The following BOD1L1 variants were observed in gnomAD, a reference collection of about 807,000 sequenced individuals.
BOD1L1 encodes biorientation of chromosomes in cell division 1 like 1.
BOD1L1 carries 86 observed loss-of-function variants against 240.7 expected under a neutral mutation model. The observed-to-expected ratio is 0.36, with a 90% CI of 0.30 to 0.43. BOD1L1 has a LOEUF of 0.43. BOD1L1 is among the 20% of genes least tolerant of loss of function. BOD1L1 has a pLI of 1.00. For synonymous variants in BOD1L1, 1,268 were observed against 1,272.3 expected (o/e 1.00, Z 0.07); for missense variants, 3,554 against 3,643.5 (o/e 0.98, Z 0.63).
chr4:13,589,182 C>G (rs16888864), intron 14 of BOD1L1, among the ~76,000 whole-genome samples: 25,690 of 152,130 alleles, frequency 0.17, 2,637 homozygotes, highest in Middle Eastern at 0.22. Context: ...CAAACAGTCA[C>G]CAAACAATAC....
At chr4:13,585,144 T>C (rs1438699988) in intron 17 of BOD1L1, among the ~76,000 whole-genome samples, 1 of 152,220 alleles carries the variant, frequency 6.6e-6, no homozygotes, top group Non-Finnish European at 1.5e-5. Flanking sequence ...GGGTGAGGGA[T>C]AGTTTAAGAG....
In BOD1L1 at chr4:13,600,177, C is replaced by T. The variant is rs1204065620; in HGVS notation, c.6723G>A (p.Glu2241=). 6 of 1,613,980 alleles carry T rather than the reference C, an allele frequency of 3.7e-6. No individual in the cohort carries two copies. The highest frequency in any genetic ancestry group is 5.1e-6 in the Non-Finnish European group (6 of 1,179,894). ...TTTCTTCCATGACTGTGCCAGCTCG[C>T]TCATTTTCACTTTCAACAACTACAC... The part of the protein sequence containing the change: ...VSGVVVESEN[E]RAGTVMEEKD... Residue 2241 remains glutamate (E), a synonymous_variant, in exon 10 of 26, where the codon GAG becomes GAA. Transcript: ENST00000040738.
chr4:13,570,540 C>T (rs1712131431), intron 25 of BOD1L1, among the ~76,000 whole-genome samples: 1 of 152,158 alleles, frequency 6.6e-6, no homozygotes, highest in South Asian at 2.1e-4. Flanking sequence ...CTAGGTTGGA[C>T]CAAGTGCAAA....
chr4:13,577,143 C>A (rs1712820360), intron 24 of BOD1L1, among the ~76,000 whole-genome samples, 152 bp from the exon 25 acceptor site: 1 of 152,206 alleles, frequency 6.6e-6, no homozygotes, highest in Admixed American at 6.5e-5. Context: ...TTGCAATTCA[C>A]AACTGTTTAA....
rs778206416 is a variant in BOD1L1, at chr4:13,600,984, T to C, written c.5916A>G (p.Pro1972=). Residue 1972 remains proline (P), a synonymous_variant, in exon 10 of 26, where the codon CCA becomes CCG. Transcript: ENST00000040738. ...TAGTCATAGGACCCTCACAACCTCC[T>C]GGAACTGGTGTCACTTCATCCTTTC... is the stretch of plus-strand genomic sequence containing the variant. The part of the protein sequence containing the change: ...VSGKDEVTPV[P]GGCEGPMTSA... 6.2e-7 allele frequency: 1 copy of C among 1,613,912 alleles called. No homozygotes were observed. Among genetic ancestry groups the C allele is most frequent in the Non-Finnish European group, 8.5e-7 (1 of 1,179,850 alleles).
In BOD1L1 at chr4:13,600,087, A is replaced by G. The variant is rs1490057495; in HGVS notation, c.6813T>C (p.Ala2271=). The G allele has an allele frequency of 6.2e-7, 1 of 1,613,566 alleles. No individual in the cohort carries two copies. Among genetic ancestry groups the G allele is most frequent in the Non-Finnish European group, 8.5e-7 (1 of 1,179,762 alleles). ...VEDCEGPVSS[A]VPQEEGDPSV... ...AGGGGTCGCCTTCCTCTTGAGGGAC[A>G]GCACTGGACACTGGGCCCTCACAGT... Residue 2271 remains alanine, a synonymous_variant, in exon 10 of 26, where the codon GCT becomes GCC. Transcript: ENST00000040738.
rs1317479520 is a variant in BOD1L1, at chr4:13,601,381, T to C, written c.5519A>G (p.Asn1840Ser). Residue 1840 changes from asparagine to serine, a missense_variant, in exon 10 of 26, where the codon AAT becomes AGT. This residue lies in a region of BOD1L1 where 3,393 missense variants were observed against 3,427.1 expected (regional missense o/e 0.99). Transcript: ENST00000040738. ...MDSTVAKEGT[N>S]VPLVAAGPCD... The stretch of plus-strand genomic sequence containing the variant: ...AGGACCAGCAGCAACTAATGGTACA[T>C]TAGTGCCTTCTTTGGCCACTGTGCT... The C allele has an allele frequency of 5.0e-6, 8 of 1,613,956 alleles. No individual in the cohort carries two copies. In the African/African-American group the frequency reaches 1.1e-4, roughly 22 times the overall value.
At chr4:13,612,069 C>T (rs1716211635) in intron 5 of BOD1L1, among the ~76,000 whole-genome samples, 1 of 152,066 alleles carries the variant, frequency 6.6e-6, no homozygotes. Context: ...GTGGAGTGTT[C>T]ACAGAATAGG....
Position 13,600,723 on chromosome 4 carries a change from A to G in BOD1L1, c.6177T>C (p.Asn2059=), listed in dbSNP as rs754277351. ...CTTGATTTTTACCCCCTGCTAAGCT[A>G]TTCTGGTTGGTAATATCACCACTGG... ...TTASGDITNQ[N]SLAGGKNQGK... The change falls in exon 10 of 26, where the codon AAT becomes AAC. Residue 2059 remains asparagine, a synonymous_variant. Coordinates refer to ENST00000040738, the MANE Select transcript of BOD1L1 (RefSeq NM_148894.3). 3.1e-6 allele frequency: 5 copies of G among 1,613,994 alleles called. No individual in the cohort carries two copies. Among genetic ancestry groups the G allele is most frequent in the Admixed American group, 1.7e-5 (1 of 60,010 alleles).
Position 13,583,104 on chromosome 4 carries a change from G to A in BOD1L1, c.8434-368C>T, listed in dbSNP as rs116801881. Among the ~76,000 whole-genome samples, 453 of 152,294 alleles carry A rather than the reference G, an allele frequency of 3.0e-3. 2 individuals carry two copies. The highest frequency in any genetic ancestry group is 0.027 in the Middle Eastern group (8 of 294). On this transcript the variant is annotated intron_variant, in intron 17 of 25. Transcript: ENST00000040738. ...ATATTTATCTTTGTGGAGTGATGGA[G>A]GGGAGAGATGTGGGGAAGCAATAAT...
At chr4:13,605,362 AT>A (rs1715607169) in intron 9 of BOD1L1, among the ~76,000 whole-genome samples, 1 of 152,194 alleles carries the variant, frequency 6.6e-6, no homozygotes, top group Non-Finnish European at 1.5e-5. Context: ...AATATGAACA[AT>A]TTTATGAGAT....
chr4:13,623,459 A>C (rs1717174592), intron 1 of BOD1L1: 1 of 152,380 alleles, frequency 6.6e-6, no homozygotes, highest in South Asian at 2.1e-4. Context: ...TAATCAGTGC[A>C]AAGGAGACAG....
chr4:13,597,172 A>G lies in BOD1L1; in HGVS notation c.7955-4T>C. 6.3e-7 allele frequency: 1 copy of G among 1,587,834 alleles called. No homozygotes were observed. The highest frequency in any genetic ancestry group is 8.6e-7 in the Non-Finnish European group (1 of 1,165,418). On this transcript the variant is annotated splice_polypyrimidine_tract_variant and splice_region_variant and intron_variant, in intron 10 of 25. Transcript: ENST00000040738. ...TTCAATGGAGACTCTTCATTGCCTAATAAAATTCAAGCCATTTAGTACAGT... is the reference window on the plus strand; with the variant it reads ...TTCAATGGAGACTCTTCATTGCCTAGTAAAATTCAAGCCATTTAGTACAGT...
At chr4:13,617,442 T>C (rs1369614196) in intron 2 of BOD1L1, among the ~76,000 whole-genome samples, 1 of 152,146 alleles carries the variant, frequency 6.6e-6, no homozygotes, top group Non-Finnish European at 1.5e-5. Context: ...TGGAGTCCAG[T>C]ACCAATGATC....
In BOD1L1 at chr4:13,570,044, C is replaced by T. The variant is rs1244063751; in HGVS notation, c.9123G>A (p.Val3041=). 2 of 1,606,300 alleles carry T rather than the reference C, an allele frequency of 1.2e-6. No individual in the cohort carries two copies. Among genetic ancestry groups the T allele is most frequent in the East Asian group, 2.3e-5 (1 of 44,072 alleles). ...TCGCTTTTTTCACAGGGGCTTCCTC[C>T]ACCCTTTGCTGGCCTCTTGTTCGGG... ...PGARTRGQQR[V]EEAPVKKAKR The change falls in exon 26 of 26, where the codon GTG becomes GTA. Residue 3041 remains valine, a synonymous_variant. Transcript: ENST00000040738.
intron 1 of BOD1L1, 40 bp downstream of exon 1, chr4:13,627,305 C>T: frequency 8.5e-7 from 1 of 1,177,530 alleles, no homozygotes; most frequent in South Asian, 3.9e-5. Flanking sequence ...TTGGGTCCTC[C>T]CCTTCCCTCG....
intron 25 of BOD1L1, among the ~76,000 whole-genome samples, chr4:13,575,023 G>A (rs1173359092): frequency 1.3e-5 from 2 of 151,610 alleles, no homozygotes; most frequent in African/African-American, 2.4e-5. Flanking sequence ...GAGTTCAAGC[G>A]ATTCTCCTGC....
chr4:13,602,457 C>T lies in BOD1L1; in HGVS notation c.4443G>A (p.Glu1481=), dbSNP rs1465798394. The part of the protein sequence containing the change: ...IDVERRNENS[E]VDTSAGSGSA... ...AGCCACTTCCAGCACTGGTGTCTAC[C>T]TCACTGTTTTCATTCCTTCTTTCAA... The change falls in exon 10 of 26, where the codon GAG becomes GAA. Residue 1481 remains glutamate (E), a synonymous_variant. Coordinates refer to ENST00000040738, the MANE Select transcript of BOD1L1 (RefSeq NM_148894.3). The T allele has an allele frequency of 1.2e-6, 2 of 1,613,878 alleles. No homozygotes were observed. Among genetic ancestry groups the T allele is most frequent in the African/African-American group, 2.7e-5 (2 of 74,914 alleles).
intron 8 of BOD1L1, among the ~76,000 whole-genome samples, chr4:13,608,190 A>G (rs1382394424): frequency 6.6e-6 from 1 of 152,226 alleles, no homozygotes; most frequent in Non-Finnish European, 1.5e-5. Flanking sequence ...CTGAACACCA[A>G]CAAGAGGAAT....
Sources: gnomAD v4.1 joint callset for allele counts (sites outside exome capture counted in the v4.1 genomes callset) on GRCh38, gnomAD v4.1.1 for gene constraint, gnomAD v4.1.1 regional missense constraint, MANE v1.5 for transcripts, NCBI Gene and HGNC (gene_info 2026-07-23, HGNC 2026-07-21) for gene names.